The following APBA1 variants were observed in gnomAD, a reference collection of about 807,000 sequenced individuals.
APBA1 encodes amyloid-beta A4 precursor protein-binding family A member 1.
APBA1 carries 55 observed loss-of-function variants against 86.6 expected under a neutral mutation model. The ratio of observed to expected loss-of-function variants is 0.64; its 90% CI spans 0.51 to 0.80. APBA1 has a LOEUF of 0.80. Among genes scored for constraint, APBA1 ranks in the 30% least tolerant of loss-of-function variants. The probability of loss-of-function intolerance (pLI) is 0.00; values close to 1 mark genes in which losing one functional copy is unlikely to be tolerated. For missense variants in APBA1, 1,090 were observed against 1,183.0 expected (o/e 0.92, Z 1.15); for synonymous variants, 511 against 493.9 (o/e 1.03, Z -0.46).
At position 69,429,016 on chromosome 9, in the gene APBA1, T is replaced by C. The variant is rs986046939; in HGVS notation, c.*2311A>G. 1.3e-5 allele frequency: 2 copies of C among 152,212 alleles called. No individual in the cohort carries two copies. The highest frequency in any genetic ancestry group is 1.9e-4 in the East Asian group (1 of 5,200). The allele number at this position is 152,212 out of a possible 1,614,324, so 9.4% of individuals were successfully genotyped here. A position where few individuals can be genotyped will look rare whatever the true frequency, so the allele number is the denominator to read the frequency against. ...TGCAATAGGAATAGAAAGTATATTCTCTCCTTTAGGTGAACATACATAACC... is the reference window on the plus strand; with the variant it reads ...TGCAATAGGAATAGAAAGTATATTCCCTCCTTTAGGTGAACATACATAACC... On this transcript the variant is annotated 3_prime_UTR_variant, in exon 13 of 13. Transcript: ENST00000265381.
chr9:69,634,763 T>C (rs1184268123), intron 1 of APBA1, among the ~76,000 whole-genome samples: 2 of 152,148 alleles, frequency 1.3e-5, no homozygotes, highest in African/African-American at 2.4e-5. Flanking sequence ...GGAACTCTAA[T>C]ACATCTGGCA....
intron 2 of APBA1, among the ~76,000 whole-genome samples, chr9:69,514,945 C>A (rs1836110680): frequency 6.6e-6 from 1 of 152,042 alleles, no homozygotes; most frequent in African/African-American, 2.4e-5. Flanking sequence ...TGCAGAAACC[C>A]CTGGCGGAAA....
At chr9:69,435,868 T>C (rs1217067822) in intron 11 of APBA1, among the ~76,000 whole-genome samples, 1 of 152,262 alleles carries the variant, frequency 6.6e-6, no homozygotes, top group African/African-American at 2.4e-5. Context: ...TACTTGCCCA[T>C]GCCTATGTCC....
intron 1 of APBA1, among the ~76,000 whole-genome samples, chr9:69,583,002 G>C (rs957979169): frequency 6.6e-6 from 1 of 152,194 alleles, no homozygotes; most frequent in African/African-American, 2.4e-5. Flanking sequence ...TATGGAAGCT[G>C]TATCTGAATG....
Position 69,516,226 on chromosome 9 carries a change from CG to C in APBA1, c.984del (p.Ala329ArgfsTer32). The C allele has an allele frequency of 6.8e-7, 1 of 1,474,256 alleles. No individual in the cohort carries two copies. The highest frequency in any genetic ancestry group is 1.5e-5 in the African/African-American group (1 of 68,860). 91.3% of individuals were successfully genotyped at this position (1,474,256 alleles called of 1,614,324 possible). A position where few individuals can be genotyped will look rare whatever the true frequency, so the allele number is the denominator to read the frequency against. On this transcript the variant is annotated frameshift_variant, in exon 2 of 13. Coordinates refer to ENST00000265381, the MANE Select transcript of APBA1 (RefSeq NM_001163.4). LOFTEE classifies it high-confidence loss of function. This position sits in a 1 kb window ranked among gnomAD's most constrained non-coding sequence, Gnocchi z 7.3. ...APAGQQRAVG[P>X]AGGGEAGQRY... ...CGCTGCCCCGCCTCGCCGCCGCCCG[CG>C]GGGCCCACCGCCCGCTGCTGCCCCG...
At chr9:69,620,193 G>A (rs996992474) in intron 1 of APBA1, among the ~76,000 whole-genome samples, 2 of 152,108 alleles carry the variant, frequency 1.3e-5, no homozygotes, top group African/African-American at 4.8e-5. Flanking sequence ...CGGTCTAGTC[G>A]TTTTCTTTTT....
At chr9:69,459,031 T>A (rs1224800470) in intron 5 of APBA1, among the ~76,000 whole-genome samples, 1 of 152,170 alleles carries the variant, frequency 6.6e-6, no homozygotes, top group Non-Finnish European at 1.5e-5. Context: ...TGGTCTCAAA[T>A]GATCTCAGGT....
chr9:69,634,652 A>T (rs1226853156), intron 1 of APBA1, among the ~76,000 whole-genome samples: 1 of 152,148 alleles, frequency 6.6e-6, no homozygotes, highest in Non-Finnish European at 1.5e-5. Context: ...CTTAACCCAA[A>T]TAAGACTATC....
chr9:69,612,968 T>C (rs1386286180), intron 1 of APBA1, among the ~76,000 whole-genome samples: 1 of 152,128 alleles, frequency 6.6e-6, no homozygotes, highest in Non-Finnish European at 1.5e-5. Context: ...GGTAGATTTT[T>C]GTCCTAACGT....
In APBA1 at chr9:69,476,063, C is replaced by A. The variant is rs138175870; in HGVS notation, c.1281G>T (p.Ala427=). 1.9e-6 allele frequency: 3 copies of A among 1,613,936 alleles called. No individual in the cohort carries two copies. Among genetic ancestry groups the A allele is most frequent in the Non-Finnish European group, 2.5e-6 (3 of 1,179,972 alleles). The part of the protein sequence containing the change: ...TSLHPSDPVE[A]STNKESRKSL... ...AGCACCCTACCTCTTTATTAGTGGA[C>A]GCTTCCACAGGGTCACTGGGGTGAA... The change falls in exon 3 of 13, where the codon GCG becomes GCT. Residue 427 remains alanine, a synonymous_variant. Transcript: ENST00000265381.
intron 1 of APBA1, among the ~76,000 whole-genome samples, chr9:69,548,560 A>C (rs1183411476): frequency 6.6e-6 from 1 of 152,266 alleles, no homozygotes; most frequent in Non-Finnish European, 1.5e-5. Flanking sequence ...CCTTACCTGC[A>C]CAGAAACAGT....
chr9:69,482,529 TG>T (rs1461827757), intron 2 of APBA1, among the ~76,000 whole-genome samples: 1 of 150,994 alleles, frequency 6.6e-6, no homozygotes, highest in African/African-American at 2.4e-5. Context: ...TTGGTGGGAC[TG>T]TAAACTAGTT....
intron 5 of APBA1, 150 bp downstream of exon 5, chr9:69,467,673 G>T (rs761484776): frequency 3.5e-5 from 38 of 1,088,098 alleles, no homozygotes; most frequent in Non-Finnish European, 4.7e-5. Flanking sequence ...TTTTTGTTTT[G>T]TTAGCAGGCA....
chr9:69,442,865 C>A (rs1036098545), intron 10 of APBA1, among the ~76,000 whole-genome samples: 5 of 152,194 alleles, frequency 3.3e-5, no homozygotes, highest in African/African-American at 1.2e-4. Context: ...TGTCCAAGGG[C>A]TCTGTGGGGT....
At chr9:69,544,049 G>C (rs145013002) in intron 1 of APBA1, among the ~76,000 whole-genome samples, 1 of 152,324 alleles carries the variant, frequency 6.6e-6, no homozygotes, top group African/African-American at 2.4e-5. Flanking sequence ...TTTATAAAGT[G>C]TGGAGTGCTC....
chr9:69,615,138 T>G (rs1352173720), intron 1 of APBA1, among the ~76,000 whole-genome samples: 4 of 152,198 alleles, frequency 2.6e-5, no homozygotes, highest in African/African-American at 9.6e-5. Flanking sequence ...AAGCAGTGGT[T>G]GCAGTGAGCC....
chr9:69,598,835 C>T (rs781613777), intron 1 of APBA1, among the ~76,000 whole-genome samples: 1 of 152,168 alleles, frequency 6.6e-6, no homozygotes, highest in Non-Finnish European at 1.5e-5. Context: ...CTTGAAAGTC[C>T]AAGGATCAAG....
intron 1 of APBA1, among the ~76,000 whole-genome samples, chr9:69,520,276 A>G (rs1360204292): frequency 6.6e-6 from 1 of 152,228 alleles, no homozygotes; most frequent in Non-Finnish European, 1.5e-5. Context: ...TATTTATAAA[A>G]AACATTTAAG....
Position 69,564,073 on chromosome 9 carries a change from G to A in APBA1, c.-69-46794C>T, listed in dbSNP as rs186604502. ...ATGCAACTCCCCAAACTCCAAATTCGAGAAGCACCTTCCAAAGCATTCTCT... is the reference window on the plus strand; with the variant it reads ...ATGCAACTCCCCAAACTCCAAATTCAAGAAGCACCTTCCAAAGCATTCTCT... On this transcript the variant is annotated intron_variant, in intron 1 of 12. Transcript: ENST00000265381. 6.1e-4 allele frequency among the ~76,000 whole-genome samples: 93 copies of A among 152,100 alleles called. 1 individual carries two copies. The highest frequency in any genetic ancestry group is 1.0e-3 in the Non-Finnish European group (68 of 68,010).
Sources: allele counts gnomAD v4.1 joint callset (sites outside exome capture counted in the v4.1 genomes callset), GRCh38; gene constraint gnomAD v4.1.1; non-coding constraint Gnocchi (gnomAD v3.1); transcripts MANE v1.5; gene names NCBI Gene and HGNC (gene_info 2026-07-23, HGNC 2026-07-21).